The following CCDC3 variants were observed in gnomAD, a reference collection of about 807,000 sequenced individuals.
CCDC3 encodes the protein coiled-coil domain-containing protein 3.
A neutral mutation model predicts 21.4 loss-of-function variants in CCDC3; 24 were observed. That is an observed-to-expected ratio of 1.12 (90% CI 0.81 to 1.58). The LOEUF is 1.58. Among genes scored for constraint, CCDC3 ranks in the 40% most tolerant of loss-of-function variants. The probability of loss-of-function intolerance (pLI) is 0.00; values close to 1 mark genes in which losing one functional copy is unlikely to be tolerated. For missense variants in CCDC3, 425 were observed against 360.9 expected (o/e 1.18, Z -1.44); for synonymous variants, 186 against 166.0 (o/e 1.12, Z -0.93).
chr10:12,986,268 T>C (rs944829537), intron 2 of CCDC3, among the ~76,000 whole-genome samples: 7 of 152,194 alleles, frequency 4.6e-5, no homozygotes, highest in Non-Finnish European at 8.8e-5. Flanking sequence ...TGTACACAAA[T>C]GAGTGCCTGT....
At chr10:12,993,107 C>A (rs1243019970) in intron 2 of CCDC3, among the ~76,000 whole-genome samples, 1 of 152,190 alleles carries the variant, frequency 6.6e-6, no homozygotes, top group Non-Finnish European at 1.5e-5. Context: ...TTCAGGACCC[C>A]CTGGACGGGA....
intron 2 of CCDC3, among the ~76,000 whole-genome samples, chr10:12,921,091 A>G (rs1417361081): frequency 1.3e-5 from 2 of 152,178 alleles, no homozygotes; most frequent in African/African-American, 2.4e-5. Flanking sequence ...TGCCTGGGAC[A>G]TCGTGGTTTT....
chr10:13,056,267 G>A (rs1836679640), intron 4 of CCDC3, among the ~76,000 whole-genome samples: 1 of 152,204 alleles, frequency 6.6e-6, no homozygotes, highest in Non-Finnish European at 1.5e-5. Context: ...ACATCAGCTA[G>A]TGGAGGGCAA....
chr10:13,028,633 A>T (rs1332263974), intron 5 of CCDC3, among the ~76,000 whole-genome samples: 1 of 152,350 alleles, frequency 6.6e-6, no homozygotes, highest in South Asian at 2.1e-4. Flanking sequence ...ATCACATCAG[A>T]AAAATGGTAT....
At chr10:13,039,792 G>T (rs1301949520) in intron 5 of CCDC3, among the ~76,000 whole-genome samples, 2 of 151,822 alleles carry the variant, frequency 1.3e-5, no homozygotes, top group Middle Eastern at 3.2e-3. Flanking sequence ...AGGACCATCC[G>T]TCTCCCTCAG....
At position 12,898,950 on chromosome 10, in the gene CCDC3, T is replaced by A. The variant is rs78563449; in HGVS notation, c.550-271A>T. On this transcript the variant is annotated intron_variant, in intron 2 of 2. Transcript: ENST00000378825. ...TGTCGTTTTCAAATGATATTCTGAA[T>A]ATTTGTCATGCGTAGCAAAAAGGAA... is the stretch of plus-strand genomic sequence containing the variant. Among the ~76,000 whole-genome samples the A allele has an allele frequency of 1.3e-3, 197 of 152,306 alleles. 4 individuals carry two copies. The East Asian group carries it at 0.026, about 20-fold the overall frequency.
intron 2 of CCDC3, among the ~76,000 whole-genome samples, chr10:12,953,613 C>G (rs1236019760): frequency 6.6e-6 from 1 of 152,198 alleles, no homozygotes; most frequent in African/African-American, 2.4e-5. Flanking sequence ...GTTTTCTCTG[C>G]TGTGAGTCTT....
intron 2 of CCDC3, among the ~76,000 whole-genome samples, chr10:12,965,056 C>T (rs1478268982): frequency 6.6e-6 from 1 of 152,134 alleles, no homozygotes; most frequent in African/African-American, 2.4e-5. Context: ...AAAATTAACT[C>T]TTATCACAGG....
At chr10:12,958,684 G>A (rs1835131111) in intron 2 of CCDC3, among the ~76,000 whole-genome samples, 1 of 152,160 alleles carries the variant, frequency 6.6e-6, no homozygotes, top group Admixed American at 6.5e-5. Flanking sequence ...TCCAGATTCT[G>A]CCAGAGCTGG....
At chr10:13,057,603 G>T (rs1330039411) in intron 4 of CCDC3, among the ~76,000 whole-genome samples, 5 of 151,978 alleles carry the variant, frequency 3.3e-5, no homozygotes, top group African/African-American at 1.2e-4. Flanking sequence ...GGTTTGACCG[G>T]GCGCGGGGGC....
chr10:12,951,804 CAAA>C (rs71924811), intron 2 of CCDC3, among the ~76,000 whole-genome samples: 22 of 60,492 alleles, frequency 3.6e-4, no homozygotes, highest in Middle Eastern at 0.025. Flanking sequence ...GACTTCATCT[CAAA>C]AAAAAAAAAA....
chr10:13,034,812 G>A (rs1836356973), intron 5 of CCDC3, among the ~76,000 whole-genome samples: 2 of 152,010 alleles, frequency 1.3e-5, no homozygotes. Flanking sequence ...ATTGCTTGAG[G>A]TCAGGAGTTT....
chr10:12,939,298 A>G (rs191267419), intron 2 of CCDC3, among the ~76,000 whole-genome samples: 1 of 152,302 alleles, frequency 6.6e-6, no homozygotes, highest in African/African-American at 2.4e-5. Flanking sequence ...GAAGCTTTTA[A>G]GCTGCACGAG....
chr10:13,013,651 C>T (rs1239858428), intron 5 of CCDC3, among the ~76,000 whole-genome samples: 1 of 152,020 alleles, frequency 6.6e-6, no homozygotes, highest in Admixed American at 6.5e-5. Context: ...GAATCTTGCA[C>T]CAGCTGATAA....
intron 2 of CCDC3, among the ~76,000 whole-genome samples, chr10:12,912,390 T>A (rs1022795837): frequency 6.6e-6 from 1 of 152,258 alleles, no homozygotes; most frequent in African/African-American, 2.4e-5. Flanking sequence ...TGAACATTTC[T>A]AAATATACCT....
chr10:13,043,864 A>G (rs1224125013), intron 5 of CCDC3, among the ~76,000 whole-genome samples: 1 of 152,192 alleles, frequency 6.6e-6, no homozygotes, highest in Non-Finnish European at 1.5e-5. Context: ...TCCTTTGGAT[A>G]TACACCCAGT....
At chr10:12,992,184 G>GT (rs939276377) in intron 2 of CCDC3, among the ~76,000 whole-genome samples, 3 of 152,112 alleles carry the variant, frequency 2.0e-5, no homozygotes, top group Admixed American at 2.0e-4. Flanking sequence ...GAGGTCATGA[G>GT]TTTGAGACCA....
intron 2 of CCDC3, among the ~76,000 whole-genome samples, chr10:12,972,348 T>C (rs1835356435): frequency 1.3e-5 from 2 of 152,194 alleles, no homozygotes; most frequent in Non-Finnish European, 2.9e-5. Context: ...ACCCTTGGGC[T>C]TCTGCCTCAG....
chr10:13,020,502 A>G (rs1836131094), intron 5 of CCDC3, among the ~76,000 whole-genome samples: 1 of 152,210 alleles, frequency 6.6e-6, no homozygotes, highest in African/African-American at 2.4e-5. Flanking sequence ...TTCATGCTCT[A>G]ATGAAATTAT....
Sources: gnomAD v4.1 joint callset for allele counts (sites outside exome capture counted in the v4.1 genomes callset) on GRCh38, gnomAD v4.1.1 for gene constraint, MANE v1.5 for transcripts, NCBI Gene and HGNC (gene_info 2026-07-23, HGNC 2026-07-21) for gene names.